The following BUB1 variants were observed in gnomAD, a reference collection of about 807,000 sequenced individuals.
BUB1 encodes BUB1 mitotic checkpoint serine/threonine kinase.
BUB1 carries 84 observed loss-of-function variants against 135.2 expected under a neutral mutation model. That is an observed-to-expected ratio of 0.62 (90% CI 0.52 to 0.74). The LOEUF (loss-of-function observed/expected upper bound fraction) is 0.74, where lower values mean the gene tolerates loss of function less well. Ranked by LOEUF, BUB1 falls within the 30% of genes least tolerant of loss-of-function variation. BUB1 has a pLI of 0.00. For synonymous variants in BUB1, 403 were observed against 434.4 expected, an observed-to-expected ratio of 0.93 and a Z score of 0.90; for missense variants, 1,162 against 1,288.3, an observed-to-expected ratio of 0.90 and a Z score of 1.50.
At chr2:110,655,374 A>G (rs778893211) in intron 16 of BUB1, among the ~76,000 whole-genome samples, 14 of 152,220 alleles carry the variant, frequency 9.2e-5, no homozygotes, top group Non-Finnish European at 1.8e-4. Context: ...TATTTTTAGC[A>G]TTCAAATAAT....
Position 110,666,253 on chromosome 2 carries a change from C to T in BUB1, c.957+10G>A, listed in dbSNP as rs7599642. On this transcript the variant is annotated intron_variant, in intron 9 of 24. Transcript: ENST00000302759. ...TGGGCACAGGATGTGTCATGAGGAG[C>T]ACAACATACCTCGGACCTTTCCTGG... 5,842 of 1,371,226 alleles carry T rather than the reference C, an allele frequency of 4.3e-3. 206 individuals are homozygous for T. In the African/African-American group the frequency reaches 0.077, roughly 18 times the overall value. 84.9% of individuals were successfully genotyped at this position (1,371,226 alleles called of 1,614,324 possible).
At chr2:110,654,821 C>A (rs1414014477) in intron 16 of BUB1, among the ~76,000 whole-genome samples, 1 of 152,112 alleles carries the variant, frequency 6.6e-6, no homozygotes, top group African/African-American at 2.4e-5. Flanking sequence ...ATGCTTTCAT[C>A]CAATGAAGTG....
chr2:110,655,672 C>T (rs1475986819), intron 16 of BUB1, 67 bp downstream of exon 16: 1 of 1,371,192 alleles, frequency 7.3e-7, no homozygotes, highest in Non-Finnish European at 9.8e-7. Flanking sequence ...AAGAATCAAA[C>T]TTCATGAAGA....
intron 6 of BUB1, among the ~76,000 whole-genome samples, chr2:110,669,113 C>T (rs1690347530): frequency 2.0e-5 from 3 of 152,234 alleles, no homozygotes; most frequent in African/African-American, 4.8e-5. Context: ...TCAGAAGCCC[C>T]CAGGTGGATC....
chr2:110,664,575 CTTT>C (rs559654974), intron 9 of BUB1, among the ~76,000 whole-genome samples: 23 of 135,806 alleles, frequency 1.7e-4, no homozygotes, highest in African/African-American at 5.1e-4. Flanking sequence ...CTGCTGTTGC[CTTT>C]TTTTTTTTTT....
At chr2:110,666,533 C>T (rs1473408505) in intron 8 of BUB1, 119 bp from the exon 9 acceptor site, 1 of 764,618 alleles carries the variant, frequency 1.3e-6, no homozygotes, top group Non-Finnish European at 1.8e-6. Flanking sequence ...TAGTCTTTCT[C>T]ATATTTGGTT....
At chr2:110,654,933 C>T (rs1310466762) in intron 16 of BUB1, among the ~76,000 whole-genome samples, 2 of 152,168 alleles carry the variant, frequency 1.3e-5, no homozygotes, top group Non-Finnish European at 2.9e-5. Context: ...TCTGTATTCA[C>T]AGGTTCCATA....
chr2:110,645,878 T>C (rs956945606), intron 19 of BUB1, among the ~76,000 whole-genome samples: 1 of 152,054 alleles, frequency 6.6e-6, no homozygotes, highest in African/African-American at 2.4e-5. Context: ...CATTATATAA[T>C]GTTAAAGGGA....
At chr2:110,644,350 A>G (rs1245193616) in intron 19 of BUB1, among the ~76,000 whole-genome samples, 4 of 151,712 alleles carry the variant, frequency 2.6e-5, no homozygotes, top group Non-Finnish European at 5.9e-5. Context: ...GGTGGTGGGC[A>G]TCTGTAGTCC....
chr2:110,656,598 A>ATATTAG (rs1689941663), intron 15 of BUB1, among the ~76,000 whole-genome samples: 1 of 152,254 alleles, frequency 6.6e-6, no homozygotes. Flanking sequence ...ATTAGGGGAT[A>ATATTAG]TCTGCTGTCA....
chr2:110,666,328 T>G lies in BUB1; in HGVS notation c.892A>C (p.Lys298Gln). 6.5e-7 allele frequency: 1 copy of G among 1,535,570 alleles called. No individual in the cohort carries two copies. The highest frequency in any genetic ancestry group is 8.8e-7 in the Non-Finnish European group (1 of 1,139,748). The change falls in exon 9 of 25, where the codon AAG (lysine) becomes CAG (glutamine). Residue 298 changes from lysine (K) to glutamine (Q), a missense_variant. Transcript: ENST00000302759. ...LLKQKMDELH[K>Q]KLHQVVETSH... Reference sequence around the variant, plus strand: ...GTCTCCACCACCTGATGCAACTTCTTATGAAGTTCATCCATTTTCTGTTTT... The same window carrying G: ...GTCTCCACCACCTGATGCAACTTCTGATGAAGTTCATCCATTTTCTGTTTT...
chr2:110,664,351 C>T (rs904658420), intron 9 of BUB1, among the ~76,000 whole-genome samples: 1 of 152,090 alleles, frequency 6.6e-6, no homozygotes, highest in Non-Finnish European at 1.5e-5. Context: ...AAACAAACAT[C>T]ACATCAAAGA....
chr2:110,669,910 A>G (rs1221197068), intron 5 of BUB1, among the ~76,000 whole-genome samples: 1 of 152,174 alleles, frequency 6.6e-6, no homozygotes, highest in Non-Finnish European at 1.5e-5. Context: ...CATTCAAAAT[A>G]GATGGAGTCC....
chr2:110,674,463 C>T (rs1420429432), intron 1 of BUB1, 98 bp from the exon 2 acceptor site: 1 of 1,089,022 alleles, frequency 9.2e-7, no homozygotes, highest in Non-Finnish European at 1.4e-6. Context: ...TGCATTAAAA[C>T]AAAAATCTTA....
chr2:110,676,521 A>G (rs904009669), intron 1 of BUB1: 1 of 152,176 alleles, frequency 6.6e-6, no homozygotes, highest in African/African-American at 2.4e-5. Flanking sequence ...GTATCCGCAA[A>G]ATGTTATGTA....
At position 110,641,205 on chromosome 2, in the gene BUB1, T is replaced by C. The variant is rs1416334159; in HGVS notation, c.2784A>G (p.Gly928=). ...CATCTTCATCATCCTGTTCCAAAAATCTATATTAAACACAAACAAAGCCAG... is the reference window on the plus strand; with the variant it reads ...CATCTTCATCATCCTGTTCCAAAAACCTATATTAAACACAAACAAAGCCAG... The part of the protein sequence containing the change: ...IKPDNFILGN[G]FLEQDDEDDL... The change falls in exon 23 of 25, where the codon GGA becomes GGG. Residue 928 remains glycine, a splice_region_variant and synonymous_variant. Coordinates refer to ENST00000302759, the MANE Select transcript of BUB1 (RefSeq NM_004336.5). 1.3e-6 allele frequency: 2 copies of C among 1,595,350 alleles called. No homozygotes were observed. Among genetic ancestry groups the C allele is most frequent in the Admixed American group, 1.8e-5 (1 of 56,030 alleles).
chr2:110,643,387 T>A (rs180677817), intron 19 of BUB1, among the ~76,000 whole-genome samples: 1 of 152,146 alleles, frequency 6.6e-6, no homozygotes, highest in Non-Finnish European at 1.5e-5. Context: ...TAAGGACACA[T>A]AGGGCAATTA....
chr2:110,674,580 G>A (rs537787358), intron 1 of BUB1, among the ~76,000 whole-genome samples: 1 of 152,302 alleles, frequency 6.6e-6, no homozygotes, highest in East Asian at 1.9e-4. Flanking sequence ...CTCAGACATA[G>A]TCAGAAAACT....
At chr2:110,663,274 C>T (rs1574329349) in intron 9 of BUB1, among the ~76,000 whole-genome samples, 1 of 151,070 alleles carries the variant, frequency 6.6e-6, no homozygotes, top group East Asian at 1.9e-4. Flanking sequence ...TGGGAGATTC[C>T]GTCTCAAAAA....
Sources: gnomAD v4.1 joint callset for allele counts (sites outside exome capture counted in the v4.1 genomes callset) on GRCh38, gnomAD v4.1.1 for gene constraint, MANE v1.5 for transcripts, NCBI Gene and HGNC (gene_info 2026-07-23, HGNC 2026-07-21) for gene names.